The following RICTOR variants were observed in gnomAD, a reference collection of about 807,000 sequenced individuals.
RICTOR encodes the protein RPTOR independent companion of MTOR complex 2, also known as rapamycin-insensitive companion of mTOR.
Under a neutral mutation model 214.9 loss-of-function variants are expected in RICTOR, and 49 were observed. That is an observed-to-expected ratio of 0.23 (90% CI 0.18 to 0.29). The LOEUF (loss-of-function observed/expected upper bound fraction) is 0.29. RICTOR is among the 10% of genes least tolerant of loss of function. The pLI, the probability that RICTOR is intolerant of heterozygous loss-of-function variation, is 1.00. For missense variants in RICTOR, 1,625 were observed against 2,047.0 expected (o/e 0.79, Z 3.98); for synonymous variants, 717 against 711.3 (o/e 1.01, Z -0.13).
At chr5:39,032,024 CA>C (rs761964089) in intron 2 of RICTOR, among the ~76,000 whole-genome samples, 23 of 152,204 alleles carry the variant, frequency 1.5e-4, no homozygotes, top group Non-Finnish European at 2.8e-4. Context: ...TTATTAATTT[CA>C]AAAAGTTATA....
At chr5:38,990,704 G>GATATATATGATATATATCATAT (rs370197935) in intron 7 of RICTOR, among the ~76,000 whole-genome samples, 1 of 45,234 alleles carries the variant, frequency 2.2e-5, no homozygotes, top group African/African-American at 7.6e-5. Flanking sequence ...ATATATATCA[G>GATATATATGATATATATCATAT]ATATGATATA....
intron 2 of RICTOR, among the ~76,000 whole-genome samples, chr5:39,042,690 AT>A (rs1450526876): frequency 6.6e-6 from 1 of 152,212 alleles, no homozygotes; most frequent in Non-Finnish European, 1.5e-5. Flanking sequence ...ATTCTGCTTT[AT>A]TTCACCAATG....
Position 38,960,533 on chromosome 5 carries a change from C to A in RICTOR, c.1716G>T (p.Arg572Ser). Residue 572 changes from arginine to serine, a missense_variant and splice_region_variant, in exon 20 of 38, where the codon AGG (arginine) becomes AGT (serine). This residue lies in a region of RICTOR where 1,214 missense variants were observed against 1,470.5 expected (regional missense o/e 0.83). Transcript: ENST00000357387. ...AAAAATAAAGTAGTCTTCGTACAAACCTAAAATCAAAACACAAGTAGCAAA... is the reference window on the plus strand; with the variant it reads ...AAAAATAAAGTAGTCTTCGTACAAAACTAAAATCAAAACACAAGTAGCAAA... ...LRNYKDEQLHRFVRRLLYFYK... is the reference protein window; with the variant it reads ...LRNYKDEQLHSFVRRLLYFYK... 6.2e-7 allele frequency: 1 copy of A among 1,612,036 alleles called. No individual in the cohort carries two copies. Among genetic ancestry groups the A allele is most frequent in the Non-Finnish European group, 8.5e-7 (1 of 1,179,116 alleles).
chr5:38,947,309 A>T lies in RICTOR; in HGVS notation c.4269T>A (p.Asp1423Glu). The stretch of plus-strand genomic sequence containing the variant: ...CCACCGGGAGAGCAAGACCAATGTA[A>T]TCATCTGAACCCCCATATGTGGCAC... Reference protein sequence around the residue: ...VSSATYGGSDDYIGLALPVDI... With the variant: ...VSSATYGGSDEYIGLALPVDI... Residue 1423 changes from aspartate (D) to glutamate (E), a missense_variant, in exon 32 of 38, where the codon GAT becomes GAA. This residue lies in a region of RICTOR where 1,214 missense variants were observed against 1,470.5 expected (regional missense o/e 0.83). Coordinates refer to ENST00000357387, the MANE Select transcript of RICTOR (RefSeq NM_152756.5). 2 of 1,613,158 alleles carry T rather than the reference A, an allele frequency of 1.2e-6. No individual in the cohort carries two copies. Among genetic ancestry groups the T allele is most frequent in the Non-Finnish European group, 1.7e-6 (2 of 1,179,268 alleles).
chr5:38,954,893 T>G, intron 26 of RICTOR, 32 bp from the exon 27 acceptor site: 4 of 1,048,062 alleles, frequency 3.8e-6, no homozygotes, highest in Non-Finnish European at 4.3e-6. Flanking sequence ...CTATATCTCT[T>G]GGCTAATTTA....
In RICTOR at chr5:38,942,182, G is replaced by A. The variant is rs1301490273; in HGVS notation, c.*122C>T. On this transcript the variant is annotated 3_prime_UTR_variant, in exon 38 of 38. Coordinates refer to ENST00000357387, the MANE Select transcript of RICTOR (RefSeq NM_152756.5). ...AACTGTTCATGTACCAGTAACTGCG[G>A]AACAGTGTACAGAAGATACTCCTGT... The A allele has an allele frequency of 2.3e-5, 12 of 520,368 alleles. No homozygotes were observed. The highest frequency in any genetic ancestry group is 6.2e-4 in the Middle Eastern group (2 of 3,252). 32.2% of individuals were successfully genotyped at this position (520,368 alleles called of 1,614,324 possible).
In RICTOR at chr5:38,950,286, T is replaced by C; in HGVS notation, c.3562A>G (p.Asn1188Asp). The stretch of plus-strand genomic sequence containing the variant: ...TCTCTGTGATTCTCTGTACCAAAAT[T>C]CTTGGTGAATTTTAAGTCATTTTCT... ...IGENDLKFTK[N>D]FGTENHRENT... The change falls in exon 31 of 38, where the codon AAT becomes GAT. Residue 1188 changes from asparagine (N) to aspartate (D), a missense_variant. Around this residue, in one of 5 missense-constraint regions of RICTOR, gnomAD observed 1,214 missense variants for 1,470.5 expected, o/e 0.83. Coordinates refer to ENST00000357387, the MANE Select transcript of RICTOR (RefSeq NM_152756.5). The C allele has an allele frequency of 6.2e-7, 1 of 1,613,610 alleles. No individual in the cohort carries two copies. Among genetic ancestry groups the C allele is most frequent in the Non-Finnish European group, 8.5e-7 (1 of 1,179,644 alleles).
intron 2 of RICTOR, among the ~76,000 whole-genome samples, chr5:39,025,823 G>T (rs926502967): frequency 7.9e-5 from 12 of 152,128 alleles, no homozygotes; most frequent in African/African-American, 2.9e-4. Context: ...TACGGGTTAG[G>T]ATTTTGACAT....
chr5:39,074,331 C>T lies in RICTOR; in HGVS notation c.47G>A (p.Arg16Gln). The T allele has an allele frequency of 6.5e-7, 1 of 1,543,240 alleles. No homozygotes were observed. The highest frequency in any genetic ancestry group is 8.7e-7 in the Non-Finnish European group (1 of 1,143,882). ...AGTGAGGGTTGCAGCGGGCTTACCT[C>T]GTACTCGGAGGTTCTTCAGAGAGCG... is the stretch of plus-strand genomic sequence containing the variant. ...RGRSLKNLRVRGRNDSGEENV... is the reference protein window; with the variant it reads ...RGRSLKNLRVQGRNDSGEENV... The change falls in exon 1 of 38, where the codon CGA becomes CAA. Residue 16 changes from arginine to glutamine, a missense_variant and splice_region_variant. Transcript: ENST00000357387.
In RICTOR at chr5:38,944,065, G is replaced by A. The variant is rs144404372; in HGVS notation, c.4913+381C>T. Reference sequence around the variant, plus strand: ...AACTACTATATTAGAAATTAAAATTGAGAGAATTTCCTAACATGCATTAAT... The same window carrying A: ...AACTACTATATTAGAAATTAAAATTAAGAGAATTTCCTAACATGCATTAAT... On this transcript the variant is annotated intron_variant, in intron 36 of 37. Coordinates refer to ENST00000357387, the MANE Select transcript of RICTOR (RefSeq NM_152756.5). The A allele has an allele frequency of 1.7e-3, 576 of 348,906 alleles. 3 individuals are homozygous for A. Among genetic ancestry groups the A allele is most frequent in the African/African-American group, 0.012 (541 of 46,236 alleles). 21.6% of individuals were successfully genotyped at this position (348,906 alleles called of 1,614,324 possible).
At chr5:39,012,279 C>T (rs1447726484) in intron 3 of RICTOR, among the ~76,000 whole-genome samples, 2 of 152,112 alleles carry the variant, frequency 1.3e-5, no homozygotes, top group African/African-American at 2.4e-5. Flanking sequence ...CCCCTTCACT[C>T]AACACTCATT....
rs1192530202 is a variant in RICTOR at position 38,958,505 on chromosome 5, A to G, written c.2358T>C (p.Ala786=). Residue 786 remains alanine, a synonymous_variant, in exon 24 of 38, where the codon GCT becomes GCC. Coordinates refer to ENST00000357387, the MANE Select transcript of RICTOR (RefSeq NM_152756.5). ...EACEDKANLH[A]LIQMKPALSH... is the part of the protein sequence containing the mutation. ...ATAACGCTGGTTTCATCTGAATGAGAGCATGAAGATTGGCCTAAAAGAGAT... is the reference window on the plus strand; with the variant it reads ...ATAACGCTGGTTTCATCTGAATGAGGGCATGAAGATTGGCCTAAAAGAGAT... The G allele has an allele frequency of 6.2e-7, 1 of 1,611,960 alleles. No individual in the cohort carries two copies. The highest frequency in any genetic ancestry group is 8.5e-7 in the Non-Finnish European group (1 of 1,178,432).
intron 2 of RICTOR, among the ~76,000 whole-genome samples, chr5:39,025,907 A>C (rs1755781352): frequency 6.6e-6 from 1 of 152,218 alleles, no homozygotes; most frequent in African/African-American, 2.4e-5. Flanking sequence ...CTCGAGCTGC[A>C]GTCTGTCAAC....
intron 33 of RICTOR, among the ~76,000 whole-genome samples, chr5:38,946,181 G>A (rs1016421947): frequency 3.7e-4 from 56 of 152,208 alleles, no homozygotes; most frequent in African/African-American, 1.3e-3. Context: ...ATGAGGATTA[G>A]TGTTATACAT....
intron 2 of RICTOR, among the ~76,000 whole-genome samples, chr5:39,046,061 A>G (rs1056928183): frequency 6.6e-6 from 1 of 150,598 alleles, no homozygotes; most frequent in Admixed American, 6.6e-5. Flanking sequence ...ATAAATAAAT[A>G]AATGCTGGCC....
intron 7 of RICTOR, 81 bp from the exon 8 acceptor site, chr5:38,982,117 C>T (rs1751760912): frequency 2.0e-6 from 2 of 1,023,308 alleles, no homozygotes; most frequent in East Asian, 5.0e-5. Context: ...AACTTAATTG[C>T]CTTTCTGACT....
chr5:38,961,958 G>T (rs1199481677), intron 19 of RICTOR, among the ~76,000 whole-genome samples: 1 of 151,998 alleles, frequency 6.6e-6, no homozygotes, highest in Non-Finnish European at 1.5e-5. Flanking sequence ...TAACTCCAAA[G>T]TCAAACAGGA....
chr5:39,008,793 T>C (rs1323278357), intron 3 of RICTOR, among the ~76,000 whole-genome samples: 1 of 151,942 alleles, frequency 6.6e-6, no homozygotes, highest in Non-Finnish European at 1.5e-5. Context: ...AATAATTTAT[T>C]ATTTTAAAGA....
chr5:39,051,707 C>A (rs1343920238), intron 2 of RICTOR, among the ~76,000 whole-genome samples: 1 of 151,810 alleles, frequency 6.6e-6, no homozygotes, highest in Non-Finnish European at 1.5e-5. Context: ...GAGCCAAGAT[C>A]ACGCCATTGC....
Sources: gnomAD v4.1 joint callset for allele counts (sites outside exome capture counted in the v4.1 genomes callset) on GRCh38, gnomAD v4.1.1 for gene constraint, gnomAD v4.1.1 regional missense constraint, MANE v1.5 for transcripts, NCBI Gene and HGNC (gene_info 2026-07-23, HGNC 2026-07-21) for gene names.